The following FRMD5 variants were observed in gnomAD, a reference collection of about 807,000 sequenced individuals.
FRMD5 encodes FERM domain-containing protein 5.
FRMD5 carries 20 observed loss-of-function variants against 69.0 expected under a neutral mutation model. The ratio of observed to expected loss-of-function variants is 0.29; its 90% CI spans 0.20 to 0.42. The LOEUF is 0.42. Ranked by LOEUF, FRMD5 falls within the 10% of genes least tolerant of loss-of-function variation. The probability of loss-of-function intolerance (pLI) is 1.00; values close to 1 mark genes in which losing one functional copy is unlikely to be tolerated. For synonymous variants in FRMD5, 271 were observed against 260.1 expected (o/e 1.04, Z -0.40); for missense variants, 595 against 708.6 (o/e 0.84, Z 1.82).
At chr15:43,878,178 T>C (rs911998850) in intron 13 of FRMD5, among the ~76,000 whole-genome samples, 7 of 152,076 alleles carry the variant, frequency 4.6e-5, no homozygotes, top group African/African-American at 1.7e-4. Flanking sequence ...AATTTTCGTA[T>C]TTTTTGTAGA....
At chr15:44,015,649 G>T (rs1338717365) in intron 1 of FRMD5, among the ~76,000 whole-genome samples, 1 of 152,112 alleles carries the variant, frequency 6.6e-6, no homozygotes, top group Non-Finnish European at 1.5e-5. Context: ...CCTTAGTACA[G>T]AAATTGCAAT....
intron 4 of FRMD5, 58 bp downstream of exon 4, chr15:43,919,401 C>A: frequency 1.4e-6 from 2 of 1,458,718 alleles, no homozygotes; most frequent in Admixed American, 3.3e-5. Context: ...GGTCACCATC[C>A]CCCTTTCCTA....
chr15:44,053,179 T>A (rs1354776013), intron 1 of FRMD5, among the ~76,000 whole-genome samples: 1 of 152,094 alleles, frequency 6.6e-6, no homozygotes. Flanking sequence ...GGCAAAAGTT[T>A]GCAGCAGGAG....
At position 44,020,244 on chromosome 15, in the gene FRMD5, T is replaced by C. The variant is rs374395720; in HGVS notation, c.103-95935A>G. Among the ~76,000 whole-genome samples the C allele has an allele frequency of 3.2e-4, 49 of 152,262 alleles. 1 individual carries two copies. The highest frequency in any genetic ancestry group is 1.2e-3 in the African/African-American group (49 of 41,570). ...ATAATATATCTTAATAAGACCACTT[T>C]ACATCTGCTTAATGCTGCTTGTTCA... On this transcript the variant is annotated intron_variant, in intron 1 of 13. Transcript: ENST00000417257.
intron 1 of FRMD5, among the ~76,000 whole-genome samples, chr15:43,984,964 A>G (rs1248761185): frequency 7.1e-6 from 1 of 140,406 alleles, no homozygotes; most frequent in Non-Finnish European, 1.5e-5. Context: ...AAACTGGGCG[A>G]CAGAACAACT....
At chr15:43,924,549 TAG>T (rs1422506131) in intron 1 of FRMD5, among the ~76,000 whole-genome samples, 1 of 152,150 alleles carries the variant, frequency 6.6e-6, no homozygotes, top group Non-Finnish European at 1.5e-5. Flanking sequence ...GAAGTCAGGG[TAG>T]AGTCAGGTAA....
At chr15:43,891,936 G>A in intron 8 of FRMD5, 45 bp downstream of exon 8, 1 of 1,520,246 alleles carries the variant, frequency 6.6e-7, no homozygotes, top group East Asian at 2.3e-5. Flanking sequence ...CCCCTCCCCA[G>A]TTGGTGAGAT....
At chr15:43,893,225 A>G (rs556535181) in intron 7 of FRMD5, among the ~76,000 whole-genome samples, 3 of 152,310 alleles carry the variant, frequency 2.0e-5, no homozygotes, top group East Asian at 3.9e-4. Flanking sequence ...TAATAGTCCT[A>G]TAACACTGGG....
chr15:44,149,507 A>G lies in FRMD5; in HGVS notation c.102+45446T>C, dbSNP rs551695111. Among the ~76,000 whole-genome samples the G allele has an allele frequency of 2.0e-5, 3 of 152,126 alleles. No homozygotes were observed. The East Asian group carries it at 5.8e-4, about 29-fold the overall frequency. On this transcript the variant is annotated intron_variant, in intron 1 of 13. Coordinates refer to ENST00000417257, the MANE Select transcript of FRMD5 (RefSeq NM_032892.5). ...CAATTAAAAAACACATGATCCAACT[A>G]TATGCTATCTATAGAAGACTCACTT...
chr15:44,130,473 A>G (rs2077083438), intron 1 of FRMD5, among the ~76,000 whole-genome samples: 1 of 152,232 alleles, frequency 6.6e-6, no homozygotes, highest in African/African-American at 2.4e-5. Context: ...ACCCTGAATA[A>G]CTAATAAGAA....
intron 1 of FRMD5, among the ~76,000 whole-genome samples, chr15:44,079,463 A>T (rs1893907501): frequency 6.6e-6 from 1 of 152,140 alleles, no homozygotes; most frequent in Non-Finnish European, 1.5e-5. Context: ...TGGAAGGCTG[A>T]AGCAAGATGA....
chr15:44,170,050 A>G (rs1377187199), intron 1 of FRMD5, among the ~76,000 whole-genome samples: 1 of 152,098 alleles, frequency 6.6e-6, no homozygotes, highest in Non-Finnish European at 1.5e-5. Context: ...TTTTCTTCTC[A>G]AATACAGATT....
chr15:44,073,577 A>T (rs1407367771), intron 1 of FRMD5, among the ~76,000 whole-genome samples: 2 of 152,188 alleles, frequency 1.3e-5, no homozygotes, highest in Non-Finnish European at 2.9e-5. Context: ...TCCACTTCAA[A>T]TCCTTGACCT....
chr15:44,084,909 G>A (rs1276821234), intron 1 of FRMD5, among the ~76,000 whole-genome samples: 1 of 152,082 alleles, frequency 6.6e-6, no homozygotes, highest in East Asian at 1.9e-4. Context: ...TCTGCCAAAA[G>A]ATCGTGACTT....
intron 7 of FRMD5, among the ~76,000 whole-genome samples, chr15:43,894,127 G>A (rs974784339): frequency 1.3e-5 from 2 of 152,164 alleles, no homozygotes; most frequent in Non-Finnish European, 2.9e-5. Context: ...CCTGGTGGTG[G>A]TTATTAATAT....
chr15:43,973,765 A>G (rs1343962776), intron 1 of FRMD5, among the ~76,000 whole-genome samples: 1 of 151,772 alleles, frequency 6.6e-6, no homozygotes, highest in Non-Finnish European at 1.5e-5. Flanking sequence ...TAAATGCTAT[A>G]TTTTCCTTAA....
intron 4 of FRMD5, 94 bp from the exon 5 acceptor site, chr15:43,910,073 G>A: frequency 1.5e-6 from 1 of 660,802 alleles, no homozygotes; most frequent in South Asian, 2.1e-5. Context: ...TCTTTGTCAG[G>A]ATACTTTTAC....
chr15:44,003,661 G>C (rs892453705), intron 1 of FRMD5, among the ~76,000 whole-genome samples: 1 of 152,028 alleles, frequency 6.6e-6, no homozygotes, highest in Non-Finnish European at 1.5e-5. Flanking sequence ...TCCTTCAAGT[G>C]TTCAATCTCA....
At chr15:43,975,514 G>T (rs556676726) in intron 1 of FRMD5, among the ~76,000 whole-genome samples, 1 of 152,180 alleles carries the variant, frequency 6.6e-6, no homozygotes, top group African/African-American at 2.4e-5. Context: ...TTCACTGGTC[G>T]TCAGCAGTGA....
Sources: allele counts gnomAD v4.1 joint callset (sites outside exome capture counted in the v4.1 genomes callset), GRCh38; gene constraint gnomAD v4.1.1; transcripts MANE v1.5; gene names NCBI Gene and HGNC (gene_info 2026-07-23, HGNC 2026-07-21).